SEPTIN9: variants seen among roughly 807,000 people sequenced by gnomAD.
SEPTIN9 encodes the protein septin-9.
A neutral mutation model predicts 56.6 loss-of-function variants in SEPTIN9; 13 were observed. The observed-to-expected ratio is 0.23, with a 90% CI of 0.15 to 0.37. SEPTIN9 has a LOEUF of 0.37. Ranked by LOEUF, SEPTIN9 falls within the 10% of genes least tolerant of loss-of-function variation. SEPTIN9 has a pLI of 1.00. For synonymous variants in SEPTIN9, 332 were observed against 334.1 expected, an observed-to-expected ratio of 0.99 and a Z score of 0.07; for missense variants, 650 against 823.1, an observed-to-expected ratio of 0.79 and a Z score of 2.57.
chr17:77,321,718 A>G lies in SEPTIN9; in HGVS notation c.76+14521A>G, dbSNP rs372723335. On this transcript the variant is annotated intron_variant, in intron 2 of 11. Coordinates refer to ENST00000427177, the MANE Select transcript of SEPTIN9 (RefSeq NM_001113491.2). ...GCCACATCTTGATTGTCACGTTGGG[A>G]CTGGTGGAGCGGGTGTGTGTTGTGC... Among the ~76,000 whole-genome samples, 12 of 152,030 alleles carry G rather than the reference A, an allele frequency of 7.9e-5. No homozygotes were observed. In the East Asian group the frequency reaches 1.4e-3, roughly 17 times the overall value.
rs764773437 is a variant in SEPTIN9, at chr17:77,315,802, G to A, written c.76+8605G>A. On this transcript the variant is annotated intron_variant, in intron 2 of 11. Coordinates refer to ENST00000427177, the MANE Select transcript of SEPTIN9 (RefSeq NM_001113491.2). ...CAATTAAGAGGAGCTGTGAACCAGT[G>A]ATGCTGATGTCGCAGAAAAGTGGCC... 5.9e-4 allele frequency among the ~76,000 whole-genome samples: 90 copies of A among 152,232 alleles called. 4 individuals carry two copies. Among genetic ancestry groups the A allele is most frequent in the Non-Finnish European group, 1.6e-4 (11 of 68,046 alleles).
intron 3 of SEPTIN9, among the ~76,000 whole-genome samples, chr17:77,407,472 C>A (rs1257078826): frequency 1.3e-5 from 2 of 151,842 alleles, no homozygotes; most frequent in Admixed American, 6.6e-5. Flanking sequence ...CAGAAACTTT[C>A]CTGGTCAACT....
At chr17:77,309,265 A>G (rs940797894) in intron 2 of SEPTIN9, among the ~76,000 whole-genome samples, 1 of 152,238 alleles carries the variant, frequency 6.6e-6, no homozygotes, top group African/African-American at 2.4e-5. Context: ...GGCAGCCACG[A>G]TCACAGCTCA....
chr17:77,310,354 T>A lies in SEPTIN9; in HGVS notation c.76+3157T>A, dbSNP rs915943764. On this transcript the variant is annotated intron_variant, in intron 2 of 11. Transcript: ENST00000427177. This position sits in a 1 kb window ranked among gnomAD's most constrained non-coding sequence, Gnocchi z 4.7. ...TAGGTCTGTCTCCTCTTGAATGCCG[T>A]CATCAGCATCACATCCTTGGTGCCT... 2.0e-5 allele frequency among the ~76,000 whole-genome samples: 3 copies of A among 152,196 alleles called. No homozygotes were observed. The highest frequency in any genetic ancestry group is 4.4e-5 in the Non-Finnish European group (3 of 68,036).
chr17:77,403,474 A>G (rs944593159), intron 3 of SEPTIN9, among the ~76,000 whole-genome samples: 3 of 152,152 alleles, frequency 2.0e-5, no homozygotes, highest in Admixed American at 6.5e-5. Flanking sequence ...GCTGACATGG[A>G]GCTTACAGGC....
In SEPTIN9 at chr17:77,453,213, C is replaced by T. The variant is rs942729096; in HGVS notation, c.722-28931C>T. On this transcript the variant is annotated intron_variant, in intron 3 of 11. Coordinates refer to ENST00000427177, the MANE Select transcript of SEPTIN9 (RefSeq NM_001113491.2). This position sits in a 1 kb window ranked among gnomAD's most constrained non-coding sequence, Gnocchi z 4.4. ...TGGGGCACTCTGGGATGAGAAGATG[C>T]GACTTCTGCCCTGAGAGCCCTGCTT... 1.3e-5 allele frequency among the ~76,000 whole-genome samples: 2 copies of T among 152,066 alleles called. No individual in the cohort carries two copies. The highest frequency in any genetic ancestry group is 2.9e-5 in the Non-Finnish European group (2 of 68,020).
chr17:77,434,490 C>A lies in SEPTIN9; in HGVS notation c.721+31787C>A, dbSNP rs766934763. The stretch of plus-strand genomic sequence containing the variant: ...GCCCGTACTGCCTCTGAGTCTGCAG[C>A]CTGTTTTCCTTACCAGGTGGCTAAG... On this transcript the variant is annotated intron_variant, in intron 3 of 11. Coordinates refer to ENST00000427177, the MANE Select transcript of SEPTIN9 (RefSeq NM_001113491.2). The surrounding 1 kb of genome is among the most constrained non-coding windows in gnomAD (Gnocchi z 5.0). Among the ~76,000 whole-genome samples, 29 of 152,198 alleles carry A rather than the reference C, an allele frequency of 1.9e-4. No individual in the cohort carries two copies. Among genetic ancestry groups the A allele is most frequent in the Admixed American group, 3.3e-4 (5 of 15,290 alleles).
At chr17:77,296,213 C>T (rs1403664364) in intron 1 of SEPTIN9, among the ~76,000 whole-genome samples, 1 of 152,142 alleles carries the variant, frequency 6.6e-6, no homozygotes, top group African/African-American at 2.4e-5. Flanking sequence ...TTGGGCCTCT[C>T]AAACTGAGAA....
rs1196200572 is a variant in SEPTIN9, at chr17:77,492,930, G to A, written c.1477-50G>A. 1 of 1,514,162 alleles carries A rather than the reference G, an allele frequency of 6.6e-7. No individual in the cohort carries two copies. The highest frequency in any genetic ancestry group is 2.4e-5 in the East Asian group (1 of 40,860). The allele number at this position is 1,514,162 out of a possible 1,614,324, so 93.8% of individuals were successfully genotyped here. On this transcript the variant is annotated intron_variant, in intron 9 of 11. Coordinates refer to ENST00000427177, the MANE Select transcript of SEPTIN9 (RefSeq NM_001113491.2). The surrounding 1 kb of genome is among the most constrained non-coding windows in gnomAD (Gnocchi z 5.4). ...GCTCCTCCCGGGGGCCCAGGGGAGG[G>A]AATTGCCTTCCCGCACATGTGTAAC...
intron 1 of SEPTIN9, among the ~76,000 whole-genome samples, chr17:77,304,808 G>A (rs2032196300): frequency 6.6e-6 from 1 of 152,172 alleles, no homozygotes; most frequent in African/African-American, 2.4e-5. Context: ...GTGGAACAGG[G>A]GATAGTGACC....
chr17:77,304,385 CTG>C (rs1321969418), intron 1 of SEPTIN9, among the ~76,000 whole-genome samples: 2 of 152,230 alleles, frequency 1.3e-5, no homozygotes, highest in African/African-American at 2.4e-5. Context: ...CCCAAGAAAT[CTG>C]AGACAGATGC....
At chr17:77,337,460 CTTTG>C (rs1458749072) in intron 2 of SEPTIN9, among the ~76,000 whole-genome samples, 6 of 151,906 alleles carry the variant, frequency 3.9e-5, no homozygotes, top group East Asian at 1.9e-4. Flanking sequence ...GTGGTATTTT[CTTTG>C]TTTGTTAGTT....
chr17:77,312,904 C>T (rs191265623), intron 2 of SEPTIN9, among the ~76,000 whole-genome samples: 2 of 152,222 alleles, frequency 1.3e-5, no homozygotes, highest in African/African-American at 4.8e-5. Flanking sequence ...AGCCCTTCCA[C>T]ATTGCAAGCG....
intron 2 of SEPTIN9, chr17:77,320,121 A>G (rs2032852988): frequency 7.5e-6 from 11 of 1,470,210 alleles, no homozygotes; most frequent in South Asian, 4.2e-5. Flanking sequence ...GAGCACAAAC[A>G]TATGATCAGC....
rs772005682 is a variant in SEPTIN9 at position 77,490,799 on chromosome 17, C to G, written c.1320C>G (p.Val440=). The G allele has an allele frequency of 1.3e-5, 20 of 1,595,976 alleles. No homozygotes were observed. The highest frequency in any genetic ancestry group is 1.5e-5 in the Non-Finnish European group (18 of 1,171,192). The change falls in exon 8 of 12, where the codon GTC becomes GTG. Residue 440 remains valine (V), a synonymous_variant. Coordinates refer to ENST00000427177, the MANE Select transcript of SEPTIN9 (RefSeq NM_001113491.2). ...MKRLSKVVNI[V]PVIAKADTLT... Reference sequence around the variant, plus strand: ...GCCTGAGCAAGGTGGTCAACATCGTCCCTGTCATCGCCAAGGCGGACACAC... The same window carrying G: ...GCCTGAGCAAGGTGGTCAACATCGTGCCTGTCATCGCCAAGGCGGACACAC...
At chr17:77,320,285 G>A (rs759666365) in intron 2 of SEPTIN9, 23 of 1,611,854 alleles carry the variant, frequency 1.4e-5, no homozygotes, top group African/African-American at 2.7e-5. Context: ...GCCTCTGAGC[G>A]GGACGCCGGG....
At chr17:77,473,925 C>T (rs2039108552) in intron 3 of SEPTIN9, among the ~76,000 whole-genome samples, 1 of 152,164 alleles carries the variant, frequency 6.6e-6, no homozygotes, top group Admixed American at 6.5e-5. Flanking sequence ...GTTTCTTTAC[C>T]ATCTTGTTCC....
At chr17:77,373,468 C>G in intron 2 of SEPTIN9, 1 of 1,520,650 alleles carries the variant, frequency 6.6e-7, no homozygotes. Context: ...CGCCGCTGCC[C>G]TCCGCGCGAC....
intron 3 of SEPTIN9, among the ~76,000 whole-genome samples, chr17:77,457,266 G>A (rs1225270956): frequency 6.6e-6 from 1 of 152,052 alleles, no homozygotes; most frequent in African/African-American, 2.4e-5. Flanking sequence ...CCAGACCTCT[G>A]CTGAGTCTCC....
Sources: gnomAD v4.1 joint callset for allele counts (sites outside exome capture counted in the v4.1 genomes callset) on GRCh38, gnomAD v4.1.1 for gene constraint, Gnocchi (gnomAD v3.1) non-coding constraint, MANE v1.5 for transcripts, NCBI Gene and HGNC (gene_info 2026-07-23, HGNC 2026-07-21) for gene names.